The following RXRA variants were observed in gnomAD, a reference collection of about 807,000 sequenced individuals.
RXRA encodes retinoid X receptor alpha.
In RXRA, 5 loss-of-function variants were observed where a neutral mutation model predicts 44.5. The ratio of observed to expected loss-of-function variants is 0.11; its 90% CI spans 0.06 to 0.24. RXRA has a LOEUF of 0.24. Among genes scored for constraint, RXRA ranks in the 10% least tolerant of loss-of-function variants. The pLI is 1.00. For missense variants in RXRA, 412 were observed against 646.5 expected (o/e 0.64, Z 3.93); for synonymous variants, 291 against 271.4 (o/e 1.07, Z -0.71).
chr9:134,414,845 C>T (rs35901989), intron 4 of RXRA, among the ~76,000 whole-genome samples: 3,275 of 152,194 alleles, frequency 0.022, 64 homozygotes, highest in Admixed American at 0.047. Flanking sequence ...GGCTGCTCAG[C>T]GTGGGTGGGG....
intron 1 of RXRA, among the ~76,000 whole-genome samples, chr9:134,400,886 C>T (rs556101810): frequency 1.2e-3 from 189 of 152,308 alleles, no homozygotes; most frequent in African/African-American, 4.5e-3. Flanking sequence ...CCATCTGGTC[C>T]CCTCAAACAG....
chr9:134,339,692 TCTGTGTGTGTGCCTGTGTGTGTTTGAGC>T (rs1384763984), intron 1 of RXRA, among the ~76,000 whole-genome samples: 1 of 149,752 alleles, frequency 6.7e-6, no homozygotes, highest in Non-Finnish European at 1.5e-5. Context: ...TGTGTGTGTC[TCTGTGTGTGTGCCTGTGTGTGTTTGAGC>T]CTGTGTGTGT....
Position 134,400,255 on chromosome 9 carries a change from G to T in RXRA, c.29-1377G>T, listed in dbSNP as rs548479176. Reference sequence around the variant, plus strand: ...AGCCTGGCACCCAGCGAGTGAGCCAGTGCCCTGGACACAGCTGCTCTGAGG... The same window carrying T: ...AGCCTGGCACCCAGCGAGTGAGCCATTGCCCTGGACACAGCTGCTCTGAGG... On this transcript the variant is annotated intron_variant, in intron 1 of 9. Coordinates refer to ENST00000481739, the MANE Select transcript of RXRA (RefSeq NM_002957.6). 1.1e-4 allele frequency among the ~76,000 whole-genome samples: 17 copies of T among 152,350 alleles called. No homozygotes were observed. In the East Asian group the frequency reaches 3.3e-3, roughly 29 times the overall value.
At chr9:134,352,010 G>A (rs1830227532) in intron 1 of RXRA, among the ~76,000 whole-genome samples, 1 of 152,216 alleles carries the variant, frequency 6.6e-6, no homozygotes, top group Admixed American at 6.5e-5. Context: ...AAGTTTGCCT[G>A]CATGGGTCAT....
At chr9:134,395,273 C>CGACT (rs1417922201) in intron 1 of RXRA, among the ~76,000 whole-genome samples, 1 of 152,262 alleles carries the variant, frequency 6.6e-6, no homozygotes, top group African/African-American at 2.4e-5. Flanking sequence ...TTGGCGGAGT[C>CGACT]CCGCCTGGCC....
At chr9:134,421,323 A>G (rs34328403) in intron 5 of RXRA, among the ~76,000 whole-genome samples, 3,313 of 151,592 alleles carry the variant, frequency 0.022, 63 homozygotes, top group Admixed American at 0.049. Context: ...CTCTTCCTCC[A>G]CCTTCAAACC....
intron 4 of RXRA, 91 bp downstream of exon 4, chr9:134,409,210 G>A (rs971468886): frequency 2.3e-6 from 3 of 1,282,142 alleles, no homozygotes; most frequent in Non-Finnish European, 2.1e-6. Context: ...TGGACAACAG[G>A]GAGTGAGTGG....
intron 1 of RXRA, among the ~76,000 whole-genome samples, chr9:134,385,029 G>A (rs983867245): frequency 6.6e-6 from 1 of 152,228 alleles, no homozygotes; most frequent in African/African-American, 2.4e-5. Context: ...GGCACAGACA[G>A]GGTGTGGGCC....
At chr9:134,356,257 C>A (rs7855654) in intron 1 of RXRA, among the ~76,000 whole-genome samples, 5,443 of 152,266 alleles carry the variant, frequency 0.036, 296 homozygotes, top group African/African-American at 0.12. Flanking sequence ...AGGTGACTCT[C>A]CCTGGGGGAG....
intron 1 of RXRA, among the ~76,000 whole-genome samples, chr9:134,383,877 A>G (rs1830681389): frequency 6.6e-6 from 1 of 152,186 alleles, no homozygotes; most frequent in Admixed American, 6.5e-5. Flanking sequence ...TGGAAAGTTC[A>G]GAGGAGGGAA....
At chr9:134,393,795 C>T (rs1830834044) in intron 1 of RXRA, among the ~76,000 whole-genome samples, 1 of 152,170 alleles carries the variant, frequency 6.6e-6, no homozygotes, top group African/African-American at 2.4e-5. Context: ...CACCCTCTTC[C>T]TCCTGTGTGT....
chr9:134,429,393 G>A (rs1401641343), intron 7 of RXRA, among the ~76,000 whole-genome samples, 153 bp downstream of exon 7: 4 of 152,238 alleles, frequency 2.6e-5, no homozygotes, highest in Admixed American at 2.6e-4. Flanking sequence ...AGCATGAGGA[G>A]GAGGCTCAGA....
intron 6 of RXRA, chr9:134,422,244 G>T (rs1468813688): frequency 7.8e-7 from 1 of 1,275,066 alleles, no homozygotes; most frequent in East Asian, 5.7e-5. Flanking sequence ...CTCCTGGGAT[G>T]CTCCCATCTC....
intron 6 of RXRA, chr9:134,424,376 C>G: frequency 4.1e-6 from 4 of 985,432 alleles, no homozygotes; most frequent in Non-Finnish European, 4.8e-6. Flanking sequence ...GGCTGCATGT[C>G]TCTGAGTGGG....
At chr9:134,432,100 C>T (rs1240822421) in intron 8 of RXRA, 104 bp downstream of exon 8, 4 of 774,880 alleles carry the variant, frequency 5.2e-6, no homozygotes, top group Non-Finnish European at 6.5e-6. Context: ...ACATGTGGGG[C>T]CAACTCCCAC....
At position 134,417,395 on chromosome 9, in the gene RXRA, C is replaced by G. The variant is rs1831253624; in HGVS notation, c.780+68C>G. On this transcript the variant is annotated intron_variant, in intron 5 of 9. Coordinates refer to ENST00000481739, the MANE Select transcript of RXRA (RefSeq NM_002957.6). The surrounding 1 kb of genome is among the most constrained non-coding windows in gnomAD (Gnocchi z 6.1). ...CAGTTTCCCTCACTCACTCACCCTCCCACCTGAGCAGCTGATGAGCCAGAG... is the reference window on the plus strand; with the variant it reads ...CAGTTTCCCTCACTCACTCACCCTCGCACCTGAGCAGCTGATGAGCCAGAG... The G allele has an allele frequency of 6.5e-7, 1 of 1,549,114 alleles. No homozygotes were observed. Among genetic ancestry groups the G allele is most frequent in the South Asian group, 1.2e-5 (1 of 85,268 alleles).
At chr9:134,371,507 G>T (rs1830490772) in intron 1 of RXRA, among the ~76,000 whole-genome samples, 1 of 151,996 alleles carries the variant, frequency 6.6e-6, no homozygotes, top group Non-Finnish European at 1.5e-5. Flanking sequence ...CAGACTTCTG[G>T]GGGCACCGTC....
chr9:134,416,265 G>A (rs762348887), intron 4 of RXRA, among the ~76,000 whole-genome samples: 7 of 152,342 alleles, frequency 4.6e-5, no homozygotes, highest in Admixed American at 6.5e-5. Context: ...CTGGGGGCGG[G>A]AGGAGCCTCA....
intron 1 of RXRA, among the ~76,000 whole-genome samples, chr9:134,370,204 T>TG (rs1410207972): frequency 1.3e-5 from 2 of 152,124 alleles, no homozygotes; most frequent in Non-Finnish European, 2.9e-5. Context: ...GGAGGCCCTG[T>TG]GGGGTGGTGT....
Sources: gnomAD v4.1 joint callset for allele counts (sites outside exome capture counted in the v4.1 genomes callset) on GRCh38, gnomAD v4.1.1 for gene constraint, Gnocchi (gnomAD v3.1) non-coding constraint, MANE v1.5 for transcripts, NCBI Gene and HGNC (gene_info 2026-07-23, HGNC 2026-07-21) for gene names.